The following CTNND2 variants were observed in gnomAD, a reference collection of about 807,000 sequenced individuals.
CTNND2 encodes the protein catenin delta-2.
A neutral mutation model predicts 144.4 loss-of-function variants in CTNND2; 22 were observed. The observed-to-expected ratio is 0.15, with a 90% confidence interval of 0.11 to 0.22. The LOEUF (loss-of-function observed/expected upper bound fraction) is 0.22, where lower values mean the gene tolerates loss of function less well. CTNND2 is among the 10% of genes least tolerant of loss of function. CTNND2 has a pLI of 1.00. For missense variants in CTNND2, 1,353 were observed against 1,618.8 expected (o/e 0.84, Z 2.82); for synonymous variants, 751 against 695.6 (o/e 1.08, Z -1.25).
chr5:11,365,724 T>C (rs1198951996), intron 7 of CTNND2, among the ~76,000 whole-genome samples: 1 of 152,174 alleles, frequency 6.6e-6, no homozygotes, highest in Non-Finnish European at 1.5e-5. Flanking sequence ...AATAAGACTT[T>C]AGTGAGGGTG....
intron 16 of CTNND2, among the ~76,000 whole-genome samples, chr5:11,046,640 A>G (rs1332174209): frequency 6.6e-6 from 1 of 152,206 alleles, no homozygotes; most frequent in Non-Finnish European, 1.5e-5. Flanking sequence ...ATGGAATCCC[A>G]CGGAATTTGC....
chr5:11,710,811 G>T (rs923733074), intron 2 of CTNND2, among the ~76,000 whole-genome samples: 3 of 152,198 alleles, frequency 2.0e-5, no homozygotes, highest in South Asian at 2.1e-4. Flanking sequence ...GGAGGTTAGG[G>T]TTGAGTTTGC....
chr5:11,478,865 G>A (rs749960426), intron 3 of CTNND2, among the ~76,000 whole-genome samples: 1 of 152,178 alleles, frequency 6.6e-6, no homozygotes, highest in Non-Finnish European at 1.5e-5. Context: ...AGAGACGTCA[G>A]ACGGCCACTG....
At chr5:11,857,016 T>C (rs934225825) in intron 1 of CTNND2, among the ~76,000 whole-genome samples, 6 of 152,236 alleles carry the variant, frequency 3.9e-5, no homozygotes, top group African/African-American at 7.2e-5. Flanking sequence ...AATAAGCTGA[T>C]ATAAGACCAT....
At chr5:11,405,550 C>T (rs1346290109) in intron 5 of CTNND2, among the ~76,000 whole-genome samples, 1 of 151,710 alleles carries the variant, frequency 6.6e-6, no homozygotes, top group South Asian at 2.1e-4. Context: ...CTATTGCACT[C>T]CAGCCTGGCG....
chr5:11,690,729 C>A (rs10040018), intron 2 of CTNND2, among the ~76,000 whole-genome samples: 17,502 of 116,712 alleles, frequency 0.15, 3,933 homozygotes, highest in African/African-American at 0.5. Context: ...GGCGACAGAG[C>A]GAGACTCCGT....
chr5:11,265,608 G>A lies in CTNND2; in HGVS notation c.1629-28785C>T, dbSNP rs928823665. On this transcript the variant is annotated intron_variant, in intron 9 of 21. Coordinates refer to ENST00000304623, the MANE Select transcript of CTNND2 (RefSeq NM_001332.4). ...CCAAACACTCTAGGAGCGTTTGACT[G>A]AGTGTTAAACTGTTCTGCTCAGAAG... 2.6e-5 allele frequency among the ~76,000 whole-genome samples: 4 copies of A among 151,628 alleles called. 1 individual carries two copies. Among genetic ancestry groups the A allele is most frequent in the Admixed American group, 2.6e-4 (4 of 15,228 alleles).
At chr5:11,639,639 C>T (rs1012228393) in intron 2 of CTNND2, among the ~76,000 whole-genome samples, 2 of 152,116 alleles carry the variant, frequency 1.3e-5, no homozygotes, top group African/African-American at 4.8e-5. Context: ...AACAAACATA[C>T]TAGAACCTCT....
chr5:11,688,928 T>C (rs1326941638), intron 2 of CTNND2, among the ~76,000 whole-genome samples: 1 of 151,884 alleles, frequency 6.6e-6, no homozygotes, highest in East Asian at 1.9e-4. Context: ...ACAGACGGAG[T>C]TGCCCTTTTG....
chr5:11,003,954 C>T (rs1025277381), intron 18 of CTNND2, among the ~76,000 whole-genome samples: 1 of 152,148 alleles, frequency 6.6e-6, no homozygotes, highest in Non-Finnish European at 1.5e-5. Context: ...CTTTTAAAAG[C>T]AAATACTGTG....
chr5:11,444,430 G>C (rs376267049), intron 3 of CTNND2, among the ~76,000 whole-genome samples: 1 of 152,174 alleles, frequency 6.6e-6, no homozygotes, highest in Non-Finnish European at 1.5e-5. Context: ...TGCTCAACAA[G>C]TATAAATTCA....
Position 11,236,760 on chromosome 5 carries a change from G to A in CTNND2, c.1692C>T (p.Pro564=), listed in dbSNP as rs757837270. The A allele has an allele frequency of 1.2e-6, 2 of 1,614,142 alleles. No homozygotes were observed. Among genetic ancestry groups the A allele is most frequent in the Non-Finnish European group, 1.7e-6 (2 of 1,180,020 alleles). The change falls in exon 10 of 22, where the codon CCC becomes CCT. Residue 564 remains proline (P), a synonymous_variant. Coordinates refer to ENST00000304623, the MANE Select transcript of CTNND2 (RefSeq NM_001332.4). ...EVIQMLQHQF[P]SVQSNAAAYL... is the part of the protein sequence containing the mutation. The stretch of plus-strand genomic sequence containing the variant: ...AGGCTGCCGCGTTAGACTGGACCGA[G>A]GGAAACTGGTGCTGCAACATCTGAA...
intron 14 of CTNND2, among the ~76,000 whole-genome samples, chr5:11,100,941 C>T (rs1561302771): frequency 1.3e-5 from 2 of 152,222 alleles, no homozygotes; most frequent in African/African-American, 2.4e-5. Context: ...TGGTTAAGTC[C>T]GTAGAAAATT....
chr5:11,641,768 GTA>G (rs1561649052), intron 2 of CTNND2, among the ~76,000 whole-genome samples: 1 of 145,490 alleles, frequency 6.9e-6, no homozygotes, highest in East Asian at 2.3e-4. Context: ...ATACATATAC[GTA>G]TATGTATGTA....
intron 1 of CTNND2, among the ~76,000 whole-genome samples, chr5:11,832,258 A>G (rs1322458814): frequency 1.3e-5 from 2 of 151,968 alleles, no homozygotes; most frequent in Non-Finnish European, 2.9e-5. Context: ...ACTCCAGCCC[A>G]GGCAACAGAG....
At chr5:11,888,876 T>A (rs1345259653) in intron 1 of CTNND2, among the ~76,000 whole-genome samples, 2 of 151,852 alleles carry the variant, frequency 1.3e-5, no homozygotes, top group Non-Finnish European at 2.9e-5. Context: ...CTCAATCTCC[T>A]GAGTAACTGG....
intron 18 of CTNND2, among the ~76,000 whole-genome samples, chr5:11,015,859 C>T (rs852623): frequency 3.3e-5 from 5 of 151,962 alleles, no homozygotes; most frequent in Non-Finnish European, 7.4e-5. Context: ...CTTTCCTGGG[C>T]GAGACTTCAT....
intron 10 of CTNND2, 98 bp downstream of exon 10, chr5:11,236,593 A>C: frequency 7.6e-7 from 1 of 1,307,776 alleles, no homozygotes; most frequent in Non-Finnish European, 1.1e-6. Context: ...TTAAAAGCAT[A>C]ACTTCAGTTC....
At chr5:11,459,368 ATAAG>A (rs1351254199) in intron 3 of CTNND2, among the ~76,000 whole-genome samples, 2 of 152,208 alleles carry the variant, frequency 1.3e-5, no homozygotes, top group African/African-American at 4.8e-5. Flanking sequence ...ATGTAGAAAA[ATAAG>A]TAGAGTCTTC....
Sources: gnomAD v4.1 joint callset for allele counts (sites outside exome capture counted in the v4.1 genomes callset) on GRCh38, gnomAD v4.1.1 for gene constraint, MANE v1.5 for transcripts, NCBI Gene and HGNC (gene_info 2026-07-23, HGNC 2026-07-21) for gene names.